Variants in NEDD4L observed in about 807,000 individuals in gnomAD.
NEDD4L encodes the protein E3 ubiquitin-protein ligase NEDD4-like.
NEDD4L carries 54 observed loss-of-function variants against 148.9 expected under a neutral mutation model. That is an observed-to-expected ratio of 0.36 (90% CI 0.29 to 0.45). The LOEUF is 0.45. Among genes scored for constraint, NEDD4L ranks in the 20% least tolerant of loss-of-function variants. The pLI, the probability that NEDD4L is intolerant of heterozygous loss-of-function variation, is 1.00. For synonymous variants in NEDD4L, 433 were observed against 440.7 expected (o/e 0.98, Z 0.22); for missense variants, 856 against 1,233.8 (o/e 0.69, Z 4.59).
At chr18:58,231,048 A>G (rs1229304116) in intron 2 of NEDD4L, among the ~76,000 whole-genome samples, 2 of 152,020 alleles carry the variant, frequency 1.3e-5, no homozygotes, top group African/African-American at 4.8e-5. Flanking sequence ...AGGAGTTTGC[A>G]ACCAGCCTGG....
intron 1 of NEDD4L, among the ~76,000 whole-genome samples, chr18:58,146,448 A>C (rs1414330111): frequency 3.3e-5 from 5 of 152,166 alleles, no homozygotes; most frequent in Non-Finnish European, 5.9e-5. Context: ...CCCAGGTTCC[A>C]TGCCATCTTT....
intron 1 of NEDD4L, among the ~76,000 whole-genome samples, chr18:58,056,955 C>T (rs2082116031): frequency 6.9e-6 from 1 of 144,794 alleles, no homozygotes; most frequent in Non-Finnish European, 1.5e-5. Context: ...AAGAGAACGG[C>T]CTCCTGTGCC....
chr18:58,225,221 A>G (rs1477691591), intron 2 of NEDD4L, among the ~76,000 whole-genome samples: 1 of 152,218 alleles, frequency 6.6e-6, no homozygotes, highest in Non-Finnish European at 1.5e-5. Flanking sequence ...GAGATGATGC[A>G]TTTATCCCTT....
At chr18:58,104,094 C>A (rs2084927622) in intron 1 of NEDD4L, among the ~76,000 whole-genome samples, 2 of 152,182 alleles carry the variant, frequency 1.3e-5, no homozygotes, top group Non-Finnish European at 1.5e-5. Context: ...GATTAAAAAA[C>A]AGATTGTGAT....
At chr18:58,112,228 A>G (rs2085464402) in intron 1 of NEDD4L, among the ~76,000 whole-genome samples, 1 of 152,124 alleles carries the variant, frequency 6.6e-6, no homozygotes, top group Non-Finnish European at 1.5e-5. Context: ...TTAGGTTTTC[A>G]ATTGAATCAA....
At chr18:58,102,921 A>T (rs949826850) in intron 1 of NEDD4L, among the ~76,000 whole-genome samples, 15 of 152,234 alleles carry the variant, frequency 9.9e-5, no homozygotes, top group African/African-American at 3.6e-4. Context: ...TGAAAGTTTG[A>T]TCCTGTGGCA....
chr18:58,156,767 G>T, intron 1 of NEDD4L, among the ~76,000 whole-genome samples: 2 of 152,194 alleles, frequency 1.3e-5, no homozygotes, highest in Middle Eastern at 6.8e-3. Flanking sequence ...CTGCATGCTC[G>T]CTCCTTGGGT....
At chr18:58,329,302 C>T (rs2059588315) in intron 10 of NEDD4L, among the ~76,000 whole-genome samples, 175 bp downstream of exon 10, 1 of 152,094 alleles carries the variant, frequency 6.6e-6, no homozygotes, top group Admixed American at 6.6e-5. Flanking sequence ...CTATAAAAGC[C>T]GTATTTGACA....
chr18:58,216,117 T>A (rs534899680), intron 2 of NEDD4L, among the ~76,000 whole-genome samples: 1 of 152,188 alleles, frequency 6.6e-6, no homozygotes, highest in Admixed American at 6.5e-5. Context: ...GGTACTAGTT[T>A]ATGTTGCAAT....
At chr18:58,228,283 A>G (rs2044617264) in intron 2 of NEDD4L, among the ~76,000 whole-genome samples, 1 of 152,190 alleles carries the variant, frequency 6.6e-6, no homozygotes, top group African/African-American at 2.4e-5. Context: ...GGCTTCTGCC[A>G]ACAGGAGTGG....
In NEDD4L at chr18:58,316,038, G is replaced by A. The variant is rs745369151; in HGVS notation, c.348+6G>A. 14 of 1,611,890 alleles carry A rather than the reference G, an allele frequency of 8.7e-6. No individual in the cohort carries two copies. The highest frequency in any genetic ancestry group is 1.1e-5 in the Non-Finnish European group (13 of 1,177,970). ...TGCCCCTTAGTCACCTTCCGGTAAG[G>A]ACAGTCTCATGTTTGATGCTTCGTG... is the stretch of plus-strand genomic sequence containing the variant. On this transcript the variant is annotated splice_donor_region_variant and intron_variant, in intron 6 of 30. Coordinates refer to ENST00000400345, the MANE Select transcript of NEDD4L (RefSeq NM_001144967.3).
rs2081478606 is a variant in NEDD4L, at chr18:58,044,395, C to G, written c.-266C>G. The stretch of plus-strand genomic sequence containing the variant: ...CCGCCGCCGCGCGCAGTGAGAGGCG[C>G]CGGGGCTGCCGCCCGGTGCTCGGCG... On this transcript the variant is annotated 5_prime_UTR_variant, in exon 1 of 31. Transcript: ENST00000400345. 2 of 231,720 alleles carry G rather than the reference C, an allele frequency of 8.6e-6. No homozygotes were observed. The highest frequency in any genetic ancestry group is 3.6e-4 in the South Asian group (2 of 5,598). 14.4% of individuals were successfully genotyped at this position (231,720 alleles called of 1,614,324 possible).
chr18:58,232,257 AACAC>A (rs2045331409), intron 2 of NEDD4L, among the ~76,000 whole-genome samples: 2 of 152,188 alleles, frequency 1.3e-5, no homozygotes, highest in South Asian at 2.1e-4. Context: ...TATCCAGTCT[AACAC>A]ACACAGTAAC....
At chr18:58,050,684 C>T (rs1468093614) in intron 1 of NEDD4L, among the ~76,000 whole-genome samples, 2 of 152,142 alleles carry the variant, frequency 1.3e-5, no homozygotes, top group Non-Finnish European at 2.9e-5. Flanking sequence ...TTGCTTGAAC[C>T]TGGGAGGCAG....
chr18:58,183,126 A>T (rs536192411), intron 2 of NEDD4L, among the ~76,000 whole-genome samples: 94 of 152,370 alleles, frequency 6.2e-4, no homozygotes, highest in African/African-American at 2.2e-3. Context: ...GACAGCAGTC[A>T]CTGAAGAAAT....
chr18:58,142,131 C>G (rs1460141633), intron 1 of NEDD4L, among the ~76,000 whole-genome samples: 1 of 146,366 alleles, frequency 6.8e-6, no homozygotes, highest in African/African-American at 2.5e-5. Flanking sequence ...ACTGCAAGCT[C>G]CACCTCCTGG....
chr18:58,358,795 T>A lies in NEDD4L; in HGVS notation c.1767+1543T>A, dbSNP rs558135974. Among the ~76,000 whole-genome samples the A allele has an allele frequency of 2.6e-5, 4 of 152,306 alleles. No homozygotes were observed. In the East Asian group the frequency reaches 7.7e-4, roughly 29 times the overall value. ...GTTCTAAATATTTGGCAATTTTCAT[T>A]TGATTTTTCTTCTTGACTTATACAT... is the stretch of plus-strand genomic sequence containing the variant. On this transcript the variant is annotated intron_variant, in intron 19 of 30. Coordinates refer to ENST00000400345, the MANE Select transcript of NEDD4L (RefSeq NM_001144967.3).
chr18:58,209,015 G>C, intron 2 of NEDD4L, among the ~76,000 whole-genome samples: 1 of 151,896 alleles, frequency 6.6e-6, no homozygotes, highest in Middle Eastern at 3.4e-3. Flanking sequence ...TTTGTTTGTT[G>C]GTTAGTTTTT....
intron 28 of NEDD4L, 72 bp from the exon 29 acceptor site, chr18:58,390,570 TCTGC>T: frequency 1.1e-6 from 1 of 891,376 alleles, no homozygotes; most frequent in Non-Finnish European, 1.8e-6. Flanking sequence ...AAGATTAAGT[TCTGC>T]CTGCCTGCAT....
Sources: gnomAD v4.1 joint callset for allele counts (sites outside exome capture counted in the v4.1 genomes callset) on GRCh38, gnomAD v4.1.1 for gene constraint, MANE v1.5 for transcripts, NCBI Gene and HGNC (gene_info 2026-07-23, HGNC 2026-07-21) for gene names.